Variants in CLNK observed in about 807,000 individuals in gnomAD.
The protein encoded by CLNK is cytokine dependent hematopoietic cell linker.
A neutral mutation model predicts 68.6 loss-of-function variants in CLNK; 74 were observed. That is an observed-to-expected ratio of 1.08 (90% CI 0.89 to 1.31). The LOEUF (loss-of-function observed/expected upper bound fraction) is 1.31. CLNK is among the 50% of genes most tolerant of loss of function. The pLI, the probability that CLNK is intolerant of heterozygous loss-of-function variation, is 0.00. For missense variants in CLNK, 553 were observed against 515.3 expected, an observed-to-expected ratio of 1.07 and a Z score of -0.71; for synonymous variants, 198 against 172.2, an observed-to-expected ratio of 1.15 and a Z score of -1.17.
At chr4:10,675,759 T>C (rs551233242) in intron 1 of CLNK, among the ~76,000 whole-genome samples, 2 of 152,136 alleles carry the variant, frequency 1.3e-5, no homozygotes, top group East Asian at 3.9e-4. Context: ...ATATAGGAAA[T>C]GACCAAAAGC....
At chr4:10,644,032 G>A (rs532942217) in intron 2 of CLNK, among the ~76,000 whole-genome samples, 1 of 152,228 alleles carries the variant, frequency 6.6e-6, no homozygotes, top group Non-Finnish European at 1.5e-5. Flanking sequence ...TGGGGCAAGG[G>A]GGCAAGAAGG....
intron 5 of CLNK, among the ~76,000 whole-genome samples, chr4:10,571,314 T>A (rs535248338): frequency 6.7e-6 from 1 of 149,994 alleles, no homozygotes; most frequent in Non-Finnish European, 1.5e-5. Flanking sequence ...TTTGTTGTTG[T>A]TGTTGCTGTT....
the CLNK span, among the ~76,000 whole-genome samples, chr4:10,728,128 C>G: frequency 6.6e-6 from 1 of 152,168 alleles, no homozygotes; most frequent in Non-Finnish European, 1.5e-5. Context: ...GCCAGGGCTA[C>G]TGCTGAACAT....
At chr4:10,500,518 TA>T in intron 18 of CLNK, among the ~76,000 whole-genome samples, 1 of 151,982 alleles carries the variant, frequency 6.6e-6, no homozygotes, top group Non-Finnish European at 1.5e-5. Context: ...CCATCACTAC[TA>T]AAATATAAAA....
At chr4:10,510,231 G>A (rs539376370) in intron 16 of CLNK, among the ~76,000 whole-genome samples, 9 of 152,294 alleles carry the variant, frequency 5.9e-5, no homozygotes, top group African/African-American at 2.2e-4. Context: ...CACTTGCGGG[G>A]GGAGGGGGGA....
At chr4:10,604,681 A>G (rs1020227971) in intron 2 of CLNK, among the ~76,000 whole-genome samples, 1 of 151,438 alleles carries the variant, frequency 6.6e-6, no homozygotes. Context: ...ACATTTTTAT[A>G]TTAGGAGACT....
intron 2 of CLNK, among the ~76,000 whole-genome samples, chr4:10,605,541 C>T (rs1721755132): frequency 6.6e-6 from 1 of 151,996 alleles, no homozygotes; most frequent in South Asian, 2.1e-4. Flanking sequence ...AAAAGGTACA[C>T]CTGGGTGGGG....
intron 2 of CLNK, among the ~76,000 whole-genome samples, chr4:10,655,965 T>G (rs1020412578): frequency 2.0e-5 from 3 of 151,902 alleles, no homozygotes; most frequent in African/African-American, 7.3e-5. Flanking sequence ...ATTTTTAATA[T>G]ATAGAGCCGG....
intron 2 of CLNK, among the ~76,000 whole-genome samples, chr4:10,658,971 G>T (rs1188774300): frequency 6.6e-6 from 1 of 152,142 alleles, no homozygotes; most frequent in African/African-American, 2.4e-5. Flanking sequence ...TGGGAGGTGA[G>T]GCGGGTGGAT....
intron 11 of CLNK, among the ~76,000 whole-genome samples, chr4:10,538,154 TGCCCTCTGTC>T (rs1458332230): frequency 4.6e-5 from 7 of 152,274 alleles, no homozygotes; most frequent in East Asian, 3.9e-4. Context: ...CTCTCTCTGT[TGCCCTCTGTC>T]GCCCTCTGTC....
chr4:10,507,436 TTTTATTTATTTATTTATTTATTTA>T (rs113177804), intron 17 of CLNK, among the ~76,000 whole-genome samples: 70 of 142,908 alleles, frequency 4.9e-4, no homozygotes, highest in African/African-American at 1.7e-3. Flanking sequence ...TGTTTTCTGT[TTTTATTTATTTATTTATTTATTTA>T]TTTATTTATT....
rs115909746 is a variant in CLNK, at chr4:10,634,634, A to G, written c.11+33225T>C. Among the ~76,000 whole-genome samples, 259 of 152,306 alleles carry G rather than the reference A, an allele frequency of 1.7e-3. 1 individual carries two copies. Among genetic ancestry groups the G allele is most frequent in the African/African-American group, 5.9e-3 (245 of 41,564 alleles). ...ACTTTCAGTTGCCCTATTGCTTCTCAGAGGCACCTCTGCATTTCCAGCTTT... is the reference window on the plus strand; with the variant it reads ...ACTTTCAGTTGCCCTATTGCTTCTCGGAGGCACCTCTGCATTTCCAGCTTT... On this transcript the variant is annotated intron_variant, in intron 2 of 18. Transcript: ENST00000226951.
At chr4:10,584,027 C>G (rs1217228695) in intron 4 of CLNK, among the ~76,000 whole-genome samples, 3 of 152,114 alleles carry the variant, frequency 2.0e-5, no homozygotes, top group African/African-American at 7.2e-5. Context: ...ACTAAAGACC[C>G]CAACACAATT....
intron 2 of CLNK, among the ~76,000 whole-genome samples, chr4:10,640,822 G>A (rs76666443): frequency 1.3e-4 from 20 of 152,300 alleles, no homozygotes; most frequent in Middle Eastern, 3.4e-3. Context: ...AAACAGCAAC[G>A]TGAAACCTAC....
intron 11 of CLNK, among the ~76,000 whole-genome samples, chr4:10,539,651 G>C (rs543391773): frequency 6.6e-6 from 1 of 152,328 alleles, no homozygotes; most frequent in Admixed American, 6.5e-5. Flanking sequence ...ATTAGCACCA[G>C]CTGCCAAATG....
chr4:10,652,942 A>C (rs1403961796), intron 2 of CLNK, among the ~76,000 whole-genome samples: 2 of 152,236 alleles, frequency 1.3e-5, no homozygotes, highest in Non-Finnish European at 2.9e-5. Flanking sequence ...GAACCAAGCC[A>C]AATGCCCATC....
At chr4:10,642,459 T>C (rs1254014267) in intron 2 of CLNK, among the ~76,000 whole-genome samples, 1 of 152,120 alleles carries the variant, frequency 6.6e-6, no homozygotes, top group African/African-American at 2.4e-5. Context: ...ACCCTAAAGG[T>C]AGACCAGTTG....
chr4:10,525,801 C>G (rs745817024), intron 14 of CLNK, 40 bp downstream of exon 14: 1 of 1,207,254 alleles, frequency 8.3e-7, no homozygotes, highest in Non-Finnish European at 1.2e-6. Context: ...TGGCCTGACC[C>G]CTCAGCCTCA....
At chr4:10,592,781 A>G (rs1721226213) in intron 3 of CLNK, among the ~76,000 whole-genome samples, 1 of 152,030 alleles carries the variant, frequency 6.6e-6, no homozygotes, top group Non-Finnish European at 1.5e-5. Context: ...GTTGGAGTGC[A>G]GTGAGGTGAT....
Sources: gnomAD v4.1 joint callset for allele counts (sites outside exome capture counted in the v4.1 genomes callset) on GRCh38, gnomAD v4.1.1 for gene constraint, MANE v1.5 for transcripts, NCBI Gene and HGNC (gene_info 2026-07-23, HGNC 2026-07-21) for gene names.